WWOX: variants seen among roughly 807,000 people sequenced by gnomAD.
The protein encoded by WWOX is WW domain-containing oxidoreductase.
A neutral mutation model predicts 46.2 loss-of-function variants in WWOX; 69 were observed. The ratio of observed to expected loss-of-function variants is 1.49; its 90% CI spans 1.23 to 1.82. WWOX has a LOEUF of 1.82. Ranked by LOEUF, WWOX falls within the 40% of genes most tolerant of loss-of-function variation. The pLI, the probability that WWOX is intolerant of heterozygous loss-of-function variation, is 0.00. For synonymous variants in WWOX, 359 were observed against 202.6 expected (o/e 1.77, Z -6.56); for missense variants, 919 against 542.6 (o/e 1.69, Z -6.89).
intron 8 of WWOX, among the ~76,000 whole-genome samples, chr16:78,542,887 G>C (rs2043932042): frequency 6.6e-6 from 1 of 152,166 alleles, no homozygotes; most frequent in Non-Finnish European, 1.5e-5. Flanking sequence ...GTCACAATGT[G>C]ATCCCTGAGG....
At chr16:78,921,035 A>G (rs75327814) in intron 8 of WWOX, among the ~76,000 whole-genome samples, 3,690 of 152,292 alleles carry the variant, frequency 0.024, 69 homozygotes, top group Non-Finnish European at 0.04. Flanking sequence ...TTGCCAGTCC[A>G]ATATAGGTCA....
intron 8 of WWOX, among the ~76,000 whole-genome samples, chr16:78,916,292 G>T (rs1247278226): frequency 6.6e-6 from 1 of 152,186 alleles, no homozygotes; most frequent in Non-Finnish European, 1.5e-5. Flanking sequence ...GATGGATGGA[G>T]ACCCTGTTTC....
chr16:78,137,884 T>C (rs1468303412), intron 4 of WWOX, among the ~76,000 whole-genome samples: 1 of 147,796 alleles, frequency 6.8e-6, no homozygotes, highest in Non-Finnish European at 1.5e-5. Context: ...AAAGCAGGTC[T>C]TTTTCCTTAT....
Position 78,816,502 on chromosome 16 carries a change from C to CTTT in WWOX, c.1056+383778_1056+383780dup, listed in dbSNP as rs55814418. Among the ~76,000 whole-genome samples, 123 of 42,084 alleles carry CTTT rather than the reference C, an allele frequency of 2.9e-3. 7 individuals carry two copies. The highest frequency in any genetic ancestry group is 4.5e-3 in the South Asian group (4 of 884). The allele number at this position is 42,084 out of a possible 152,430, so 27.6% of individuals were successfully genotyped here. A position where few individuals can be genotyped will look rare whatever the true frequency, so the allele number is the denominator to read the frequency against. On this transcript the variant is annotated intron_variant, in intron 8 of 8. Coordinates refer to ENST00000566780, the MANE Select transcript of WWOX (RefSeq NM_016373.4). ...ATCTACCAGACAAGAAGGAGCCACT[C>CTTT]TTTTTTTTTTTTTTTTTTTTTTTTT...
At chr16:78,183,583 G>A (rs1042964381) in intron 5 of WWOX, among the ~76,000 whole-genome samples, 4 of 152,170 alleles carry the variant, frequency 2.6e-5, no homozygotes, top group African/African-American at 7.2e-5. Context: ...TCCCCGAACC[G>A]TAGGATGCTT....
chr16:78,924,923 G>C (rs959054600), intron 8 of WWOX, among the ~76,000 whole-genome samples: 1 of 152,164 alleles, frequency 6.6e-6, no homozygotes, highest in Non-Finnish European at 1.5e-5. Context: ...GGCCAGGCCT[G>C]GAGGTTCATG....
At chr16:78,548,238 A>G (rs1376105830) in intron 8 of WWOX, among the ~76,000 whole-genome samples, 1 of 151,208 alleles carries the variant, frequency 6.6e-6, no homozygotes, top group African/African-American at 2.4e-5. Context: ...ATATGATTTG[A>G]GCTAAGACTC....
intron 8 of WWOX, among the ~76,000 whole-genome samples, chr16:78,514,468 G>C (rs915707047): frequency 6.6e-6 from 1 of 152,160 alleles, no homozygotes; most frequent in African/African-American, 2.4e-5. Context: ...AAGCAGTGCA[G>C]TGAGCTAAAA....
At chr16:78,649,210 C>G (rs911450422) in intron 8 of WWOX, among the ~76,000 whole-genome samples, 3 of 152,170 alleles carry the variant, frequency 2.0e-5, no homozygotes, top group African/African-American at 4.8e-5. Context: ...GTCTCAAACT[C>G]TGGACCTCAA....
chr16:78,818,147 G>A (rs1180564882), intron 8 of WWOX, among the ~76,000 whole-genome samples: 2 of 152,200 alleles, frequency 1.3e-5, no homozygotes, highest in East Asian at 3.9e-4. Context: ...TGGGTGGGCT[G>A]CCCCAGGAAG....
At chr16:78,684,957 T>C (rs987391596) in intron 8 of WWOX, among the ~76,000 whole-genome samples, 5 of 152,182 alleles carry the variant, frequency 3.3e-5, no homozygotes, top group Admixed American at 6.5e-5. Flanking sequence ...GTCTGCAAAA[T>C]TGCATCGTGG....
chr16:78,434,376 C>T (rs188079600), intron 8 of WWOX, among the ~76,000 whole-genome samples: 1 of 152,294 alleles, frequency 6.6e-6, no homozygotes, highest in East Asian at 1.9e-4. Context: ...CCGATGACTG[C>T]ATAAGCGCAG....
intron 8 of WWOX, among the ~76,000 whole-genome samples, chr16:78,828,893 T>G (rs563663801): frequency 6.6e-6 from 1 of 152,202 alleles, no homozygotes; most frequent in Non-Finnish European, 1.5e-5. Context: ...TCCTAAAATG[T>G]AGATGTAGTT....
At chr16:79,007,329 G>A (rs2047210505) in intron 8 of WWOX, among the ~76,000 whole-genome samples, 2 of 152,164 alleles carry the variant, frequency 1.3e-5, no homozygotes, top group Non-Finnish European at 1.5e-5. Flanking sequence ...TAAAACATGA[G>A]GAAAGGGCTC....
At chr16:78,547,256 A>G (rs775127970) in intron 8 of WWOX, among the ~76,000 whole-genome samples, 1 of 152,052 alleles carries the variant, frequency 6.6e-6, no homozygotes, top group Non-Finnish European at 1.5e-5. Flanking sequence ...ACACTATAAC[A>G]AATGCTTTGC....
intron 8 of WWOX, among the ~76,000 whole-genome samples, chr16:78,630,393 G>C (rs1367400939): frequency 1.3e-5 from 2 of 152,078 alleles, no homozygotes; most frequent in South Asian, 2.1e-4. Flanking sequence ...ACCAAAAATA[G>C]GGCTCATGTG....
At chr16:78,447,279 G>T (rs867355847) in intron 8 of WWOX, among the ~76,000 whole-genome samples, 6 of 152,064 alleles carry the variant, frequency 3.9e-5, no homozygotes, top group Admixed American at 3.9e-4. Flanking sequence ...AGTAACAATG[G>T]CAATATTTTA....
chr16:79,120,231 G>C (rs757194825), intron 8 of WWOX, among the ~76,000 whole-genome samples: 1 of 152,112 alleles, frequency 6.6e-6, no homozygotes, highest in Non-Finnish European at 1.5e-5. Context: ...CTCCTGATTG[G>C]CCACTCCCAG....
At chr16:78,658,815 G>C (rs1260174714) in intron 8 of WWOX, among the ~76,000 whole-genome samples, 1 of 151,824 alleles carries the variant, frequency 6.6e-6, no homozygotes, top group Non-Finnish European at 1.5e-5. Context: ...GCTAGGGCTG[G>C]GCACGGTGGC....
Sources: gnomAD v4.1 joint callset for allele counts (sites outside exome capture counted in the v4.1 genomes callset) on GRCh38, gnomAD v4.1.1 for gene constraint, MANE v1.5 for transcripts, NCBI Gene and HGNC (gene_info 2026-07-23, HGNC 2026-07-21) for gene names.